The following CSMD1 variants were observed in gnomAD, a reference collection of about 807,000 sequenced individuals.
The protein encoded by CSMD1 is CUB and sushi domain-containing protein 1.
A neutral mutation model predicts 417.5 loss-of-function variants in CSMD1; 213 were observed. The ratio of observed to expected loss-of-function variants is 0.51; its 90% CI spans 0.46 to 0.57. CSMD1 has a LOEUF of 0.57. Ranked by LOEUF, CSMD1 falls within the 20% of genes least tolerant of loss-of-function variation. CSMD1 has a pLI of 0.00. For missense variants in CSMD1, 6,923 were observed against 4,529.7 expected (o/e 1.53, Z -15.17); for synonymous variants, 2,862 against 1,736.8 (o/e 1.65, Z -16.11).
At chr8:3,935,469 T>C (rs1035164380) in intron 5 of CSMD1, among the ~76,000 whole-genome samples, 8 of 152,210 alleles carry the variant, frequency 5.3e-5, no homozygotes, top group Middle Eastern at 3.2e-3. Context: ...AACAGGTCTA[T>C]TGGTGTCATT....
chr8:3,850,064 G>T (rs1470507577), intron 5 of CSMD1, among the ~76,000 whole-genome samples: 2 of 152,150 alleles, frequency 1.3e-5, no homozygotes, highest in Admixed American at 1.3e-4. Context: ...TCAAAGTGTT[G>T]GGATTACAGG....
At chr8:3,778,245 C>A (rs1296813550) in intron 5 of CSMD1, among the ~76,000 whole-genome samples, 2 of 152,222 alleles carry the variant, frequency 1.3e-5, no homozygotes, top group Middle Eastern at 6.3e-3. Context: ...ATTTTCTGCT[C>A]TGACATTTGC....
At chr8:3,292,409 C>G (rs186380905) in intron 25 of CSMD1, among the ~76,000 whole-genome samples, 265 of 152,144 alleles carry the variant, frequency 1.7e-3, no homozygotes, top group Non-Finnish European at 1.4e-3. Flanking sequence ...GTTGATCTGT[C>G]TAATGTTGAC....
chr8:3,554,516 G>A (rs1404134974), intron 10 of CSMD1, among the ~76,000 whole-genome samples: 1 of 152,126 alleles, frequency 6.6e-6, no homozygotes, highest in Non-Finnish European at 1.5e-5. Context: ...ACATAAATGT[G>A]GAATTGAGAT....
chr8:4,131,910 C>T (rs1489097787), intron 3 of CSMD1, among the ~76,000 whole-genome samples: 1 of 151,850 alleles, frequency 6.6e-6, no homozygotes, highest in East Asian at 1.9e-4. Context: ...CTACAGGTGC[C>T]CGCAACCACA....
At chr8:3,742,595 G>A (rs1796867507) in intron 6 of CSMD1, among the ~76,000 whole-genome samples, 2 of 152,130 alleles carry the variant, frequency 1.3e-5, no homozygotes, top group Non-Finnish European at 2.9e-5. Context: ...GGCCAGTAGT[G>A]CTTCACCCTA....
chr8:4,561,094 A>G (rs573110703), intron 2 of CSMD1, among the ~76,000 whole-genome samples: 1 of 152,344 alleles, frequency 6.6e-6, no homozygotes, highest in Non-Finnish European at 1.5e-5. Flanking sequence ...AACATCGACC[A>G]GGTGCAGTGG....
chr8:4,878,297 C>T (rs551672884), intron 1 of CSMD1, among the ~76,000 whole-genome samples: 18 of 152,032 alleles, frequency 1.2e-4, no homozygotes, highest in South Asian at 2.1e-4. Flanking sequence ...TAACACAACG[C>T]GAGGCAATTA....
intron 1 of CSMD1, among the ~76,000 whole-genome samples, chr8:4,966,204 A>C (rs1585423389): frequency 3.8e-5 from 5 of 131,292 alleles, no homozygotes; most frequent in African/African-American, 1.6e-4. Context: ...TCTCTACTAA[A>C]TATACAAAAA....
At chr8:3,735,052 A>G (rs958602575) in intron 6 of CSMD1, among the ~76,000 whole-genome samples, 1 of 152,200 alleles carries the variant, frequency 6.6e-6, no homozygotes, top group Non-Finnish European at 1.5e-5. Context: ...GGTGATATGA[A>G]TGTGGACATG....
intron 5 of CSMD1, among the ~76,000 whole-genome samples, chr8:3,802,533 T>G (rs892604252): frequency 6.6e-6 from 1 of 152,140 alleles, no homozygotes; most frequent in African/African-American, 2.4e-5. Flanking sequence ...GGAAATACAT[T>G]TAGCAGAATA....
At chr8:3,959,644 C>G (rs764332354) in intron 5 of CSMD1, among the ~76,000 whole-genome samples, 1 of 152,170 alleles carries the variant, frequency 6.6e-6, no homozygotes, top group Admixed American at 6.5e-5. Flanking sequence ...TATGTTTTTG[C>G]CATGCTTTCT....
chr8:4,074,353 G>A (rs141150450), intron 3 of CSMD1, among the ~76,000 whole-genome samples: 5 of 152,024 alleles, frequency 3.3e-5, no homozygotes, highest in African/African-American at 7.2e-5. Context: ...GTAAAATGTA[G>A]TATTTAGTCC....
chr8:4,277,606 G>A (rs140746232), intron 3 of CSMD1, among the ~76,000 whole-genome samples: 66 of 152,224 alleles, frequency 4.3e-4, no homozygotes, highest in African/African-American at 1.5e-3. Flanking sequence ...TCACTATGAG[G>A]TGTCTCATAC....
intron 3 of CSMD1, among the ~76,000 whole-genome samples, chr8:4,391,196 A>G (rs552860230): frequency 6.6e-5 from 10 of 152,250 alleles, no homozygotes; most frequent in African/African-American, 2.4e-4. Flanking sequence ...TGTTTCCTGA[A>G]AAGTTGCATT....
At chr8:3,727,074 T>A (rs778366078) in intron 6 of CSMD1, among the ~76,000 whole-genome samples, 1 of 152,226 alleles carries the variant, frequency 6.6e-6, no homozygotes, top group Non-Finnish European at 1.5e-5. Flanking sequence ...TATATAAAGA[T>A]AATGGCATTT....
intron 3 of CSMD1, among the ~76,000 whole-genome samples, chr8:4,345,673 G>T (rs568026533): frequency 2.6e-5 from 4 of 152,088 alleles, no homozygotes; most frequent in African/African-American, 7.2e-5. Flanking sequence ...CCTTTCTCAA[G>T]ATATGAAATG....
chr8:4,408,006 C>T (rs1208751739), intron 3 of CSMD1, among the ~76,000 whole-genome samples: 2 of 152,182 alleles, frequency 1.3e-5, no homozygotes, highest in East Asian at 1.9e-4. Context: ...CAAGTCCCCA[C>T]ACACCAGCTG....
chr8:3,437,563 G>C (rs979267250), intron 12 of CSMD1, among the ~76,000 whole-genome samples: 1 of 152,130 alleles, frequency 6.6e-6, no homozygotes, highest in East Asian at 1.9e-4. Context: ...GGAAAAACTG[G>C]ACTGCAGGAG....
Sources: allele counts gnomAD v4.1 joint callset (sites outside exome capture counted in the v4.1 genomes callset), GRCh38; gene constraint gnomAD v4.1.1; transcripts MANE v1.5; gene names NCBI Gene and HGNC (gene_info 2026-07-23, HGNC 2026-07-21).